RMND1: variants seen among roughly 807,000 people sequenced by gnomAD.
RMND1 encodes the protein required for meiotic nuclear division protein 1 homolog.
In RMND1, 41 loss-of-function variants were observed where a neutral mutation model predicts 54.0. The ratio of observed to expected loss-of-function variants is 0.76; its 90% CI spans 0.59 to 0.98. The LOEUF is 0.98. Ranked by LOEUF, RMND1 falls within the 50% of genes least tolerant of loss-of-function variation. The probability of loss-of-function intolerance (pLI) is 0.00; values close to 1 mark genes in which losing one functional copy is unlikely to be tolerated. For synonymous variants in RMND1, 183 were observed against 181.7 expected (o/e 1.01, Z -0.06); for missense variants, 457 against 532.0 (o/e 0.86, Z 1.39).
chr6:151,421,299 A>G lies in RMND1; in HGVS notation c.1025T>C (p.Val342Ala), dbSNP rs560395850. 1.4e-5 allele frequency: 22 copies of G among 1,612,684 alleles called. 2 individuals are homozygous for G. In the South Asian group the frequency reaches 2.4e-4, roughly 18 times the overall value. ...CATAACTTCTTCATGAGATAGTTTC[A>G]CTTTCTTCCCAGCTTTTAAAGCCTA... ...IPEALKAGKK[V>A]KLSHEEVMQK... Residue 342 changes from valine to alanine, a missense_variant, in exon 9 of 12, where the codon GTG becomes GCG. Physicochemically the swap from Val to Ala is moderately conservative, Grantham distance 64 (BLOSUM62 0). Coordinates refer to ENST00000444024, the MANE Select transcript of RMND1 (RefSeq NM_017909.4).
intron 5 of RMND1, 90 bp downstream of exon 5, chr6:151,430,048 T>C: frequency 2.5e-6 from 2 of 798,444 alleles, no homozygotes; most frequent in Non-Finnish European, 4.3e-6. Flanking sequence ...AATCTATTAA[T>C]TTCCCTTCTA....
chr6:151,415,281 CT>C lies in RMND1; in HGVS notation c.1200+1997del, dbSNP rs61504956. On this transcript the variant is annotated intron_variant, in intron 10 of 11. Transcript: ENST00000444024. ...AAGGAATATAAAAGAAATAAGAATT[CT>C]TTTTTTTTTTCTGCATCCAATCATC... Among the ~76,000 whole-genome samples, 395 of 146,218 alleles carry C rather than the reference CT, an allele frequency of 2.7e-3. 3 individuals are homozygous for C. The highest frequency in any genetic ancestry group is 4.6e-3 in the Non-Finnish European group (304 of 65,976).
chr6:151,429,441 G>A (rs1349505854), intron 5 of RMND1, among the ~76,000 whole-genome samples: 1 of 152,008 alleles, frequency 6.6e-6, no homozygotes, highest in East Asian at 1.9e-4. Context: ...CTCTTTTAAT[G>A]TAACTGTATT....
chr6:151,422,902 C>CA (rs2114937775), intron 7 of RMND1, among the ~76,000 whole-genome samples: 1 of 152,138 alleles, frequency 6.6e-6, no homozygotes, highest in African/African-American at 2.4e-5. Context: ...ACCTTGATAC[C>CA]ATGGGTAGCT....
chr6:151,442,873 G>T (rs897036899), intron 2 of RMND1, among the ~76,000 whole-genome samples: 1 of 152,072 alleles, frequency 6.6e-6, no homozygotes, highest in African/African-American at 2.4e-5. Context: ...AAGGGATGTG[G>T]GTTGAGTATC....
intron 10 of RMND1, among the ~76,000 whole-genome samples, chr6:151,416,215 G>A (rs1055671115): frequency 1.3e-5 from 2 of 152,056 alleles, no homozygotes; most frequent in African/African-American, 4.8e-5. Flanking sequence ...TTGACCTCAA[G>A]TGATCTGCCC....
chr6:151,406,677 C>T (rs1272148737), intron 10 of RMND1, among the ~76,000 whole-genome samples: 2 of 152,022 alleles, frequency 1.3e-5, no homozygotes, highest in Non-Finnish European at 2.9e-5. Context: ...AAATACCTAC[C>T]TAATATCTTT....
At chr6:151,410,097 C>T (rs1440914714) in intron 10 of RMND1, among the ~76,000 whole-genome samples, 1 of 151,650 alleles carries the variant, frequency 6.6e-6, no homozygotes, top group Non-Finnish European at 1.5e-5. Context: ...CTCTGTCACC[C>T]AGGCTGGACT....
intron 6 of RMND1, 91 bp from the exon 7 acceptor site, chr6:151,423,722 T>C: frequency 2.3e-6 from 2 of 851,920 alleles, no homozygotes; most frequent in Non-Finnish European, 4.0e-6. Flanking sequence ...TTTCTGGAGG[T>C]CATTTTGACA....
At chr6:151,451,679 G>A (rs1781203163) in intron 1 of RMND1, among the ~76,000 whole-genome samples, 1 of 152,156 alleles carries the variant, frequency 6.6e-6, no homozygotes, top group Non-Finnish European at 1.5e-5. Flanking sequence ...TCAACTTTTA[G>A]AGAACAATTA....
chr6:151,450,917 C>A (rs546381161), intron 1 of RMND1, among the ~76,000 whole-genome samples: 7 of 152,172 alleles, frequency 4.6e-5, no homozygotes, highest in East Asian at 1.9e-4. Flanking sequence ...ACCCTGTGCT[C>A]TCTGAAACAT....
At chr6:151,451,710 T>G (rs866745895) in intron 1 of RMND1, among the ~76,000 whole-genome samples, 4 of 152,174 alleles carry the variant, frequency 2.6e-5, no homozygotes, top group Non-Finnish European at 5.9e-5. Context: ...GAAAATCGAT[T>G]ACAGCTAGGC....
rs181166057 is a variant in RMND1 at position 151,444,951 on chromosome 6, C to T, written c.504+357G>A. ...TCTGCAGAGTTACAATTTTTTTTAA[C>T]TTGATGAAGAATTTCTAGTTTGTTT... is the stretch of plus-strand genomic sequence containing the variant. On this transcript the variant is annotated intron_variant, in intron 2 of 11. Coordinates refer to ENST00000444024, the MANE Select transcript of RMND1 (RefSeq NM_017909.4). The T allele has an allele frequency of 5.7e-5, 10 of 175,900 alleles. No individual in the cohort carries two copies. The East Asian group carries it at 6.0e-4, about 11-fold the overall frequency. The allele number at this position is 175,900 out of a possible 1,614,324, so 10.9% of individuals were successfully genotyped here. A position where few individuals can be genotyped will look rare whatever the true frequency, so the allele number is the denominator to read the frequency against.
intron 2 of RMND1, chr6:151,444,718 T>C (rs144051439): frequency 2.0e-5 from 3 of 152,488 alleles, no homozygotes; most frequent in African/African-American, 7.2e-5. Context: ...AAGGGCTTGA[T>C]CTTGACCCTT....
intron 8 of RMND1, 130 bp from the exon 9 acceptor site, chr6:151,421,451 T>C: frequency 1.7e-6 from 1 of 603,288 alleles, no homozygotes; most frequent in Admixed American, 3.3e-5. Flanking sequence ...GATGGCTGTC[T>C]CCCAGATTAA....
chr6:151,423,259 G>GA (rs755265527), intron 7 of RMND1, among the ~76,000 whole-genome samples: 1 of 151,866 alleles, frequency 6.6e-6, no homozygotes, highest in Non-Finnish European at 1.5e-5. Context: ...AGAGAGAAGA[G>GA]AAAAAAACAA....
chr6:151,447,226 A>G (rs1484258575), intron 1 of RMND1, among the ~76,000 whole-genome samples: 1 of 152,200 alleles, frequency 6.6e-6, no homozygotes, highest in Non-Finnish European at 1.5e-5. Flanking sequence ...CGATGGCCAG[A>G]TCACCAAAGG....
intron 8 of RMND1, among the ~76,000 whole-genome samples, chr6:151,422,283 A>G (rs1031201135): frequency 6.6e-6 from 1 of 152,104 alleles, no homozygotes; most frequent in Admixed American, 6.5e-5. Flanking sequence ...CTATTTACAT[A>G]GTATTTACAT....
intron 9 of RMND1, among the ~76,000 whole-genome samples, chr6:151,419,638 C>T (rs1780101084): frequency 6.9e-6 from 1 of 145,328 alleles, no homozygotes; most frequent in African/African-American, 2.6e-5. Context: ...CATGCCACTG[C>T]ACTCTAGTCT....
Sources: gnomAD v4.1 joint callset for allele counts (sites outside exome capture counted in the v4.1 genomes callset) on GRCh38, gnomAD v4.1.1 for gene constraint, MANE v1.5 for transcripts, NCBI Gene and HGNC (gene_info 2026-07-23, HGNC 2026-07-21) for gene names.